Variants in PAPPA observed in about 807,000 individuals in gnomAD.
The protein encoded by PAPPA is pappalysin-1.
Under a neutral mutation model 164.0 loss-of-function variants are expected in PAPPA, and 60 were observed. The observed-to-expected ratio is 0.37, with a 90% CI of 0.30 to 0.45. The LOEUF (loss-of-function observed/expected upper bound fraction) is 0.45. Among genes scored for constraint, PAPPA ranks in the 20% least tolerant of loss-of-function variants. The pLI, the probability that PAPPA is intolerant of heterozygous loss-of-function variation, is 1.00. For missense variants in PAPPA, 1,782 were observed against 2,087.3 expected (o/e 0.85, Z 2.85); for synonymous variants, 875 against 814.1 (o/e 1.07, Z -1.27).
At chr9:116,296,428 C>T (rs1385739731) in intron 9 of PAPPA, among the ~76,000 whole-genome samples, 1 of 152,000 alleles carries the variant, frequency 6.6e-6, no homozygotes, top group Non-Finnish European at 1.5e-5. Context: ...GTTTGGTGTC[C>T]CCTTTACTCT....
At position 116,353,723 on chromosome 9, in the gene PAPPA, A is replaced by T. The variant is rs1157336464; in HGVS notation, c.4277A>T (p.Tyr1426Phe). Residue 1426 changes from tyrosine (Y) to phenylalanine (F), a missense_variant, in exon 17 of 22, where the codon TAC becomes TTC. Physicochemically the swap from Tyr to Phe is conservative, Grantham distance 22 (BLOSUM62 3). Transcript: ENST00000328252. ...DPPPPKFHGLYQCTNGFQFNS... is the reference protein window; with the variant it reads ...DPPPPKFHGLFQCTNGFQFNS... ...CCTCCACCAAAATTCCATGGGCTCT[A>T]CCAGTGTACTAATGGCTTCCAGTTC... The T allele has an allele frequency of 2.5e-6, 4 of 1,614,076 alleles. No homozygotes were observed. Among genetic ancestry groups the T allele is most frequent in the Non-Finnish European group, 3.4e-6 (4 of 1,179,956 alleles).
intron 10 of PAPPA, among the ~76,000 whole-genome samples, chr9:116,324,564 TACA>T (rs143810047): frequency 0.012 from 1,886 of 152,290 alleles, 38 homozygotes; most frequent in African/African-American, 0.044. Context: ...CTGGACTCTA[TACA>T]ACTATAATCT....
chr9:116,249,501 C>T (rs1844834947), intron 7 of PAPPA, among the ~76,000 whole-genome samples: 1 of 152,046 alleles, frequency 6.6e-6, no homozygotes, highest in Non-Finnish European at 1.5e-5. Context: ...AAGAGAAGAT[C>T]TTCATTAGAT....
chr9:116,384,514 G>GTTGT (rs1564251214), intron 21 of PAPPA, among the ~76,000 whole-genome samples: 2 of 151,976 alleles, frequency 1.3e-5, no homozygotes, highest in African/African-American at 2.4e-5. Flanking sequence ...TTGCTGCATT[G>GTTGT]TTGTTTATTA....
chr9:116,156,509 T>A (rs2118967551), intron 1 of PAPPA, among the ~76,000 whole-genome samples: 1 of 151,984 alleles, frequency 6.6e-6, no homozygotes, highest in South Asian at 2.1e-4. Flanking sequence ...ATGGGGGGCG[T>A]TAGGTTATTA....
intron 21 of PAPPA, among the ~76,000 whole-genome samples, chr9:116,385,049 G>A (rs1846788648): frequency 6.6e-6 from 1 of 151,792 alleles, no homozygotes; most frequent in Admixed American, 6.6e-5. Flanking sequence ...GCCTCGCCAA[G>A]ATGGTGAAAC....
intron 1 of PAPPA, among the ~76,000 whole-genome samples, chr9:116,160,833 C>T (rs573268162): frequency 1.3e-5 from 2 of 152,312 alleles, no homozygotes; most frequent in African/African-American, 2.4e-5. Context: ...AGCTGAGAAC[C>T]GACTTGTAAG....
intron 6 of PAPPA, among the ~76,000 whole-genome samples, chr9:116,229,505 C>T (rs187236816): frequency 6.6e-6 from 1 of 152,134 alleles, no homozygotes; most frequent in Non-Finnish European, 1.5e-5. Context: ...TAGATATAAC[C>T]TGCATAAGCA....
chr9:116,301,508 C>A (rs979135294), intron 9 of PAPPA, among the ~76,000 whole-genome samples: 3 of 152,200 alleles, frequency 2.0e-5, no homozygotes, highest in Admixed American at 2.0e-4. Context: ...ACAAGGTGAT[C>A]TCTTTTGGTT....
At position 116,292,253 on chromosome 9, in the gene PAPPA, G is replaced by T. The variant is rs188761174; in HGVS notation, c.2954-10504G>T. ...GCCATTGAGGAGTTTTAGATGAGGG[G>T]CATGGCATGGCGTAGTTTACGTTTT... On this transcript the variant is annotated intron_variant, in intron 9 of 21. Transcript: ENST00000328252. Among the ~76,000 whole-genome samples the T allele has an allele frequency of 2.3e-3, 345 of 152,296 alleles. 1 individual carries two copies. The highest frequency in any genetic ancestry group is 3.4e-3 in the Non-Finnish European group (234 of 68,012).
intron 10 of PAPPA, among the ~76,000 whole-genome samples, chr9:116,326,720 T>G (rs1244721679): frequency 6.6e-6 from 1 of 152,228 alleles, no homozygotes; most frequent in African/African-American, 2.4e-5. Flanking sequence ...TTATGCCTAT[T>G]GATTAGTCAC....
intron 21 of PAPPA, among the ~76,000 whole-genome samples, chr9:116,390,700 C>A (rs895137123): frequency 1.3e-5 from 2 of 151,932 alleles, no homozygotes; most frequent in African/African-American, 4.8e-5. Flanking sequence ...CCTCCCCCTG[C>A]CCCCCGCTTT....
chr9:116,212,588 C>A (rs1045066115), intron 4 of PAPPA, among the ~76,000 whole-genome samples: 2 of 152,138 alleles, frequency 1.3e-5, no homozygotes, highest in Non-Finnish European at 2.9e-5. Context: ...AATTCTGTTA[C>A]CATACTCAAC....
Position 116,293,749 on chromosome 9 carries a change from G to A in PAPPA, c.2954-9008G>A, listed in dbSNP as rs77373230. On this transcript the variant is annotated intron_variant, in intron 9 of 21. Transcript: ENST00000328252. ...GCAGGCGGATCACCTGAGGTCGGGA[G>A]TTCGAGACCAGCCTGACCAATGTGG... Among the ~76,000 whole-genome samples, 294 of 152,256 alleles carry A rather than the reference G, an allele frequency of 1.9e-3. 7 individuals carry two copies. The East Asian group carries it at 0.052, about 27-fold the overall frequency.
chr9:116,319,365 C>T (rs764375443), intron 10 of PAPPA, among the ~76,000 whole-genome samples: 3 of 152,198 alleles, frequency 2.0e-5, no homozygotes, highest in South Asian at 2.1e-4. Context: ...GGAAGGGACT[C>T]GGCCCAATGC....
rs554355760 is a variant in PAPPA, at chr9:116,154,344, TCGCCGCCGC to T, written c.187_195del (p.Pro63_Pro65del). On this transcript the variant is annotated inframe_deletion, in exon 1 of 22. Transcript: ENST00000328252. The surrounding 1 kb of genome is among the most constrained non-coding windows in gnomAD (Gnocchi z 5.2). ...CCGGGCGGCCCGCGGCCGCCGCGCC[TCGCCGCCGC>T]CGCCGCCGCCGCCGGGCGGTGCCTG... The T allele has an allele frequency of 9.9e-4, 818 of 825,758 alleles. 5 individuals are homozygous for T. The African/African-American group carries it at 0.015, about 15-fold the overall frequency. 51.2% of individuals were successfully genotyped at this position (825,758 alleles called of 1,614,324 possible). A position where few individuals can be genotyped will look rare whatever the true frequency, so the allele number is the denominator to read the frequency against.
intron 1 of PAPPA, among the ~76,000 whole-genome samples, chr9:116,155,049 G>A (rs897081486): frequency 6.6e-5 from 10 of 152,194 alleles, no homozygotes; most frequent in Admixed American, 2.0e-4. Flanking sequence ...AAGCCGGCAA[G>A]GGCAAGGTTG....
intron 21 of PAPPA, among the ~76,000 whole-genome samples, chr9:116,387,294 C>T (rs557327561): frequency 3.9e-5 from 6 of 152,296 alleles, no homozygotes; most frequent in African/African-American, 1.4e-4. Context: ...TTAGGATTTC[C>T]TAACTGAACA....
chr9:116,250,463 C>T (rs1461530688), intron 7 of PAPPA, among the ~76,000 whole-genome samples: 2 of 152,158 alleles, frequency 1.3e-5, no homozygotes, highest in East Asian at 3.9e-4. Flanking sequence ...GACTTGCGGC[C>T]ATTTATTTCC....
Sources: gnomAD v4.1 joint callset for allele counts (sites outside exome capture counted in the v4.1 genomes callset) on GRCh38, gnomAD v4.1.1 for gene constraint, Gnocchi (gnomAD v3.1) non-coding constraint, MANE v1.5 for transcripts, NCBI Gene and HGNC (gene_info 2026-07-23, HGNC 2026-07-21) for gene names.